The following DLGAP1 variants were observed in gnomAD, a reference collection of about 807,000 sequenced individuals.
The protein encoded by DLGAP1 is DLG associated protein 1, also known as disks large-associated protein 1.
A neutral mutation model predicts 90.8 loss-of-function variants in DLGAP1; 11 were observed. The observed-to-expected ratio is 0.12, with a 90% confidence interval of 0.08 to 0.20. The LOEUF (loss-of-function observed/expected upper bound fraction) is 0.20. DLGAP1 is among the 10% of genes least tolerant of loss of function. The pLI is 1.00. For synonymous variants in DLGAP1, 558 were observed against 540.7 expected (o/e 1.03, Z -0.44); for missense variants, 1,050 against 1,333.8 (o/e 0.79, Z 3.31).
At chr18:4,134,877 C>T (rs1179971940) in intron 2 of DLGAP1, among the ~76,000 whole-genome samples, 2 of 152,028 alleles carry the variant, frequency 1.3e-5, no homozygotes, top group East Asian at 3.9e-4. Flanking sequence ...ACACACAATG[C>T]CTTCCTAGAG....
At chr18:4,368,298 C>T (rs886373762) in intron 1 of DLGAP1, among the ~76,000 whole-genome samples, 2 of 152,072 alleles carry the variant, frequency 1.3e-5, no homozygotes, top group African/African-American at 4.8e-5. Flanking sequence ...GAAATGTCAC[C>T]TTGGCTGGAC....
chr18:4,138,072 T>C (rs2076436040), intron 2 of DLGAP1, among the ~76,000 whole-genome samples: 2 of 152,152 alleles, frequency 1.3e-5, no homozygotes, highest in South Asian at 4.1e-4. Context: ...ATTTGACTTC[T>C]TTCTTTCCAA....
chr18:3,724,055 T>G (rs1434805617), intron 7 of DLGAP1, among the ~76,000 whole-genome samples: 1 of 152,156 alleles, frequency 6.6e-6, no homozygotes, highest in Non-Finnish European at 1.5e-5. Flanking sequence ...TGGGGCATAG[T>G]GGCTCACACC....
chr18:3,850,646 T>A (rs113805793), intron 4 of DLGAP1, among the ~76,000 whole-genome samples: 1 of 152,124 alleles, frequency 6.6e-6, no homozygotes, highest in Non-Finnish European at 1.5e-5. Context: ...ACAAGACTTT[T>A]GAAGCTTTAA....
chr18:3,760,702 T>C (rs1169070581), intron 5 of DLGAP1, among the ~76,000 whole-genome samples: 1 of 152,230 alleles, frequency 6.6e-6, no homozygotes, highest in East Asian at 1.9e-4. Context: ...CTGCCAGTTT[T>C]ATAAAAACAA....
chr18:3,594,606 C>G (rs190571383), intron 7 of DLGAP1: 35 of 152,232 alleles, frequency 2.3e-4, no homozygotes, highest in African/African-American at 8.2e-4. Context: ...ACAAAAACTT[C>G]ACCTTAGCTG....
intron 10 of DLGAP1, among the ~76,000 whole-genome samples, chr18:3,532,647 C>T (rs950642281): frequency 2.6e-5 from 4 of 151,772 alleles, no homozygotes; most frequent in Admixed American, 1.3e-4. Context: ...AAAAACAAGT[C>T]TAAAAAGTTA....
chr18:3,884,723 T>A (rs1234083472), intron 3 of DLGAP1, among the ~76,000 whole-genome samples: 1 of 152,210 alleles, frequency 6.6e-6, no homozygotes, highest in Non-Finnish European at 1.5e-5. Context: ...CTGGGCTATT[T>A]TCAGCACAGG....
At chr18:3,954,178 TAA>T (rs1002653597) in intron 3 of DLGAP1, among the ~76,000 whole-genome samples, 2 of 152,238 alleles carry the variant, frequency 1.3e-5, no homozygotes, top group African/African-American at 4.8e-5. Flanking sequence ...GTGGAAAAGA[TAA>T]AGACTTCAAG....
intron 1 of DLGAP1, among the ~76,000 whole-genome samples, chr18:4,364,998 T>C: frequency 6.6e-6 from 1 of 152,224 alleles, no homozygotes; most frequent in Admixed American, 6.5e-5. Flanking sequence ...ATTTCTCATT[T>C]GATTGTGCTG....
At chr18:3,892,901 T>G (rs968758641) in intron 3 of DLGAP1, among the ~76,000 whole-genome samples, 4 of 146,062 alleles carry the variant, frequency 2.7e-5, no homozygotes, top group Admixed American at 2.0e-4. Context: ...TAAATATATA[T>G]AAATATATAT....
intron 4 of DLGAP1, among the ~76,000 whole-genome samples, chr18:3,876,850 A>T (rs1037198809): frequency 1.3e-5 from 2 of 152,240 alleles, no homozygotes; most frequent in Non-Finnish European, 2.9e-5. Flanking sequence ...ACTAAATCCC[A>T]TACTTAAGCC....
chr18:4,148,411 C>CA (rs949684219), intron 2 of DLGAP1, among the ~76,000 whole-genome samples: 1 of 152,078 alleles, frequency 6.6e-6, no homozygotes, highest in Non-Finnish European at 1.5e-5. Flanking sequence ...ATTTTCTGAG[C>CA]AAAAAGCAGA....
intron 2 of DLGAP1, among the ~76,000 whole-genome samples, chr18:4,108,448 A>T (rs1302252899): frequency 6.6e-6 from 1 of 151,902 alleles, no homozygotes; most frequent in Non-Finnish European, 1.5e-5. Flanking sequence ...GCTCTTGTTC[A>T]TCTCTCTTTT....
chr18:3,840,295 G>A (rs944243884), intron 4 of DLGAP1, among the ~76,000 whole-genome samples: 27 of 152,120 alleles, frequency 1.8e-4, no homozygotes, highest in Non-Finnish European at 1.0e-4. Context: ...AGTTGTGGAG[G>A]CCAGAAGTCC....
rs186233389 is a variant in DLGAP1, at chr18:3,823,720, C to G, written c.958-9447G>C. ...GGCCCAGCACTTTGGGAGGCCGAGG[C>G]GGGCAGATCACCTGAGGTCAGGAGT... On this transcript the variant is annotated intron_variant, in intron 4 of 12. Coordinates refer to ENST00000315677, the MANE Select transcript of DLGAP1 (RefSeq NM_004746.4). 3.1e-3 allele frequency among the ~76,000 whole-genome samples: 477 copies of G among 152,030 alleles called. 3 individuals are homozygous for G. The highest frequency in any genetic ancestry group is 9.9e-3 in the African/African-American group (412 of 41,470).
chr18:3,567,918 T>G (rs981158652), intron 8 of DLGAP1, among the ~76,000 whole-genome samples: 2 of 152,162 alleles, frequency 1.3e-5, no homozygotes, highest in South Asian at 4.2e-4. Context: ...TTTTTTTTTC[T>G]AATAGAGTTT....
At chr18:4,415,566 C>T (rs1162121162) in intron 1 of DLGAP1, among the ~76,000 whole-genome samples, 1 of 152,092 alleles carries the variant, frequency 6.6e-6, no homozygotes, top group Non-Finnish European at 1.5e-5. Flanking sequence ...TTTCTAAAAA[C>T]AAATATTAAC....
At chr18:4,132,418 TG>T (rs1396516994) in intron 2 of DLGAP1, among the ~76,000 whole-genome samples, 1 of 152,160 alleles carries the variant, frequency 6.6e-6, no homozygotes, top group Non-Finnish European at 1.5e-5. Flanking sequence ...ATGGTGTCTA[TG>T]GGTTCAAATT....
Sources: allele counts gnomAD v4.1 joint callset (sites outside exome capture counted in the v4.1 genomes callset), GRCh38; gene constraint gnomAD v4.1.1; transcripts MANE v1.5; gene names NCBI Gene and HGNC (gene_info 2026-07-23, HGNC 2026-07-21).